The following ZEB1 variants were observed in gnomAD, a reference collection of about 807,000 sequenced individuals.
ZEB1 encodes the protein zinc finger E-box binding homeobox 1.
ZEB1 carries 21 observed loss-of-function variants against 84.9 expected under a neutral mutation model. The observed-to-expected ratio is 0.25, with a 90% CI of 0.18 to 0.36. The LOEUF (loss-of-function observed/expected upper bound fraction) is 0.36, where lower values mean the gene tolerates loss of function less well. Among genes scored for constraint, ZEB1 ranks in the 10% least tolerant of loss-of-function variants. The pLI is 1.00. For missense variants in ZEB1, 1,104 were observed against 1,330.2 expected (o/e 0.83, Z 2.65); for synonymous variants, 420 against 471.1 (o/e 0.89, Z 1.41).
At chr10:31,447,097 C>G (rs1475777993) in intron 1 of ZEB1, among the ~76,000 whole-genome samples, 1 of 148,990 alleles carries the variant, frequency 6.7e-6, no homozygotes, top group African/African-American at 2.4e-5. Flanking sequence ...TCTGGGTGCT[C>G]CTGTATTGGG....
intron 3 of ZEB1, among the ~76,000 whole-genome samples, chr10:31,497,730 C>T (rs775250740): frequency 6.6e-6 from 1 of 152,096 alleles, no homozygotes; most frequent in Non-Finnish European, 1.5e-5. Context: ...TTATAGCAGA[C>T]TTCCTTCTGC....
At position 31,370,968 on chromosome 10, in the gene ZEB1, C is replaced by T. The variant is rs1317672024; in HGVS notation, c.58+51676C>T. Among the ~76,000 whole-genome samples the T allele has an allele frequency of 3.3e-5, 5 of 152,230 alleles. No individual in the cohort carries two copies. The East Asian group carries it at 7.7e-4, about 24-fold the overall frequency. On this transcript the variant is annotated intron_variant, in intron 1 of 8. Transcript: ENST00000424869. The stretch of plus-strand genomic sequence containing the variant: ...CCTGGTTTCAAGCAGTCTTCCCCAC[C>T]TTGACCTCACAAACTGCTGGGATTA...
At chr10:31,373,651 A>G (rs1041565232) in intron 1 of ZEB1, among the ~76,000 whole-genome samples, 7 of 151,866 alleles carry the variant, frequency 4.6e-5, no homozygotes, top group Admixed American at 1.3e-4. Flanking sequence ...GTATAATATC[A>G]TATGACAAAA....
chr10:31,436,575 CATTGTCTATAAA>C lies in ZEB1; in HGVS notation c.59-24459_59-24448del, dbSNP rs1419430834. Reference sequence around the variant, plus strand: ...AGTTATGTAATCTAAGTCTTAGTTTCATTGTCTATAAAATAAGGATAATAAAAATTCTTCAAG... The same window carrying C: ...AGTTATGTAATCTAAGTCTTAGTTTCATAAGGATAATAAAAATTCTTCAAG... On this transcript the variant is annotated intron_variant, in intron 1 of 8. Transcript: ENST00000424869. 2.6e-5 allele frequency among the ~76,000 whole-genome samples: 4 copies of C among 152,176 alleles called. 1 individual carries two copies. Among genetic ancestry groups the C allele is most frequent in the Admixed American group, 2.0e-4 (3 of 15,270 alleles).
chr10:31,511,541 A>G (rs1565171130), intron 5 of ZEB1, among the ~76,000 whole-genome samples: 1 of 152,216 alleles, frequency 6.6e-6, no homozygotes, highest in African/African-American at 2.4e-5. Flanking sequence ...AAAAGCTTTT[A>G]TCAGTTGTTC....
chr10:31,329,580 C>A (rs1225694307), intron 1 of ZEB1, among the ~76,000 whole-genome samples: 1 of 152,074 alleles, frequency 6.6e-6, no homozygotes, highest in Non-Finnish European at 1.5e-5. Flanking sequence ...GGTAACTGTA[C>A]TTCTAAGTAC....
chr10:31,351,642 T>A (rs1279370789), intron 1 of ZEB1, among the ~76,000 whole-genome samples: 2 of 152,170 alleles, frequency 1.3e-5, no homozygotes, highest in Admixed American at 1.3e-4. Context: ...ATAATCTTCT[T>A]TGATAATGTC....
At chr10:31,478,007 C>T (rs946689038) in intron 2 of ZEB1, among the ~76,000 whole-genome samples, 6 of 151,936 alleles carry the variant, frequency 3.9e-5, no homozygotes, top group African/African-American at 1.2e-4. Context: ...CAAAAGTACA[C>T]AGGTGGGACT....
At chr10:31,514,448 GA>G (rs1257765783) in intron 5 of ZEB1, among the ~76,000 whole-genome samples, 154 bp from the exon 6 acceptor site, 6 of 152,032 alleles carry the variant, frequency 3.9e-5, no homozygotes, top group Non-Finnish European at 8.8e-5. Context: ...ATAATTTCAA[GA>G]GTTAGATTTT....
chr10:31,392,624 G>T, intron 1 of ZEB1, among the ~76,000 whole-genome samples: 1 of 151,614 alleles, frequency 6.6e-6, no homozygotes, highest in Admixed American at 6.6e-5. Context: ...CTTTTTCTTG[G>T]TACTAACCAG....
intron 1 of ZEB1, among the ~76,000 whole-genome samples, chr10:31,444,510 A>T (rs1199308647): frequency 2.6e-5 from 4 of 151,126 alleles, no homozygotes; most frequent in African/African-American, 7.3e-5. Flanking sequence ...CTGAATGGTA[A>T]TGCCTAGGTT....
rs141494825 is a variant in ZEB1 at position 31,463,653 on chromosome 10, G to T, written c.259+2416G>T. On this transcript the variant is annotated intron_variant, in intron 2 of 8. Coordinates refer to ENST00000424869, the MANE Select transcript of ZEB1 (RefSeq NM_001174096.2). ...AAGTTTCCCTGGTTAGGTATTCAGG[G>T]AATGGAGGATTGTCTTTGAGAAGTA... 9.2e-3 allele frequency among the ~76,000 whole-genome samples: 1,407 copies of T among 152,296 alleles called. 22 individuals are homozygous for T. Among genetic ancestry groups the T allele is most frequent in the African/African-American group, 0.032 (1,349 of 41,562 alleles).
intron 1 of ZEB1, among the ~76,000 whole-genome samples, chr10:31,342,400 C>T (rs1309652544): frequency 6.6e-6 from 1 of 152,028 alleles, no homozygotes; most frequent in African/African-American, 2.4e-5. Context: ...GAAATAAAGG[C>T]ATGAGAGATG....
chr10:31,384,378 C>T (rs892343042), intron 1 of ZEB1, among the ~76,000 whole-genome samples: 3 of 152,152 alleles, frequency 2.0e-5, no homozygotes, highest in Admixed American at 6.5e-5. Flanking sequence ...TTTAGAAACT[C>T]TTACAGCCAT....
chr10:31,498,946 T>C (rs902018375), intron 3 of ZEB1, among the ~76,000 whole-genome samples: 2 of 152,106 alleles, frequency 1.3e-5, no homozygotes, highest in African/African-American at 4.8e-5. Context: ...CAGTTTCTTT[T>C]TTTTAGCATT....
chr10:31,519,187 G>A (rs2071777151), intron 6 of ZEB1, among the ~76,000 whole-genome samples: 1 of 152,182 alleles, frequency 6.6e-6, no homozygotes, highest in East Asian at 1.9e-4. Flanking sequence ...CTGCCTTACT[G>A]AAGCTTATAG....
rs2070417139 is a variant in ZEB1 at position 31,513,153 on chromosome 10, G to C, written c.688-1450G>C. The stretch of plus-strand genomic sequence containing the variant: ...AACGGAAGCAGGGAGATCATTTAGA[G>C]GCTTTTGCTGTAATCTAGGCCAGAG... On this transcript the variant is annotated intron_variant, in intron 5 of 8. Transcript: ENST00000424869. 2.0e-5 allele frequency among the ~76,000 whole-genome samples: 3 copies of C among 152,180 alleles called. No individual in the cohort carries two copies. The South Asian group carries it at 6.2e-4, about 32-fold the overall frequency.
At chr10:31,331,327 C>T (rs1034448763) in intron 1 of ZEB1, among the ~76,000 whole-genome samples, 2 of 152,010 alleles carry the variant, frequency 1.3e-5, no homozygotes, top group Admixed American at 6.6e-5. Flanking sequence ...ACATCGTGAT[C>T]TGCCTGCCTC....
chr10:31,392,746 G>A (rs911570379), intron 1 of ZEB1, among the ~76,000 whole-genome samples: 1 of 151,582 alleles, frequency 6.6e-6, no homozygotes, highest in Non-Finnish European at 1.5e-5. Flanking sequence ...GAAAGGAGTA[G>A]AAAACAAGGC....
Sources: allele counts gnomAD v4.1 joint callset (sites outside exome capture counted in the v4.1 genomes callset), GRCh38; gene constraint gnomAD v4.1.1; transcripts MANE v1.5; gene names NCBI Gene and HGNC (gene_info 2026-07-23, HGNC 2026-07-21).